MCRIP1: variants seen among roughly 807,000 people sequenced by gnomAD.
MCRIP1 encodes the protein MAPK regulated corepressor interacting protein 1.
A neutral mutation model predicts 14.4 loss-of-function variants in MCRIP1; 10 were observed. That is an observed-to-expected ratio of 0.70 (90% confidence interval 0.43 to 1.18). The LOEUF (loss-of-function observed/expected upper bound fraction) is 1.18, where lower values mean the gene tolerates loss of function less well. Among genes scored for constraint, MCRIP1 ranks in the 50% most tolerant of loss-of-function variants. The pLI is 0.00. For missense variants in MCRIP1, 119 were observed against 135.4 expected, an observed-to-expected ratio of 0.88 and a Z score of 0.60; for synonymous variants, 53 against 55.7, an observed-to-expected ratio of 0.95 and a Z score of 0.21.
At chr17:81,827,635 T>C (rs940144127) in intron 1 of MCRIP1, among the ~76,000 whole-genome samples, 3 of 151,564 alleles carry the variant, frequency 2.0e-5, no homozygotes, top group African/African-American at 7.3e-5. Flanking sequence ...GGTGGTAGGA[T>C]TGCTTGAGCT....
intron 1 of MCRIP1, chr17:81,825,691 G>A (rs1472034151): frequency 2.3e-6 from 3 of 1,289,388 alleles, no homozygotes; most frequent in Admixed American, 2.3e-5. Flanking sequence ...TCCCAGCCCT[G>A]GAACTCTGTG....
chr17:81,831,013 A>C (rs1054152098), intron 1 of MCRIP1, among the ~76,000 whole-genome samples: 1 of 151,910 alleles, frequency 6.6e-6, no homozygotes, highest in Admixed American at 6.6e-5. Flanking sequence ...ACTAAAAAAA[A>C]ATACAAAAAT....
Position 81,822,983 on chromosome 17 carries a change from C to A in MCRIP1, c.*264G>T, listed in dbSNP as rs960524807. On this transcript the variant is annotated 3_prime_UTR_variant, in exon 5 of 5. Transcript: ENST00000455127. Reference sequence around the variant, plus strand: ...AGGGCCCCTGGGGGCCAGGCAGCTTCAAAAATGCAGCCAGGTGGCTGGGGG... The same window carrying A: ...AGGGCCCCTGGGGGCCAGGCAGCTTAAAAAATGCAGCCAGGTGGCTGGGGG... 1.5e-5 allele frequency: 9 copies of A among 589,098 alleles called. No individual in the cohort carries two copies. In the East Asian group the frequency reaches 1.7e-4, roughly 11 times the overall value. The allele number at this position is 589,098 out of a possible 1,614,324, so 36.5% of individuals were successfully genotyped here.
intron 1 of MCRIP1, chr17:81,824,912 C>A: frequency 8.5e-7 from 1 of 1,173,924 alleles, no homozygotes. Context: ...GCTGGTGGGG[C>A]CGTCAGCATC....
In MCRIP1 at chr17:81,823,233, G is replaced by A. The variant is rs754223991; in HGVS notation, c.*14C>T. The A allele has an allele frequency of 3.3e-6, 5 of 1,535,940 alleles. No individual in the cohort carries two copies. Among genetic ancestry groups the A allele is most frequent in the Non-Finnish European group, 8.7e-7 (1 of 1,146,672 alleles). ...CCCTGATCTTCCGGAGGCCGGGGAG[G>A]GGCACCGGGCGCTCTAGGACTTCTT... is the stretch of plus-strand genomic sequence containing the variant. On this transcript the variant is annotated 3_prime_UTR_variant, in exon 5 of 5. Transcript: ENST00000455127. The surrounding 1 kb of genome is among the most constrained non-coding windows in gnomAD (Gnocchi z 6.0).
rs2038310940 is a variant in MCRIP1, at chr17:81,823,288, C to G, written c.253G>C (p.Asp85His). The change falls in exon 5 of 5, where the codon GAC becomes CAC. Residue 85 changes from aspartate (D) to histidine (H), a missense_variant. Physicochemically the swap from Asp to His is moderately conservative, Grantham distance 81. Transcript: ENST00000455127. The surrounding 1 kb of genome is among the most constrained non-coding windows in gnomAD (Gnocchi z 6.0). ...LKTFKPIDLS[D>H]LKRRSTQDAK... is the part of the protein sequence containing the mutation. ...TCCTGCGTGCTCCGGCGCTTCAGGT[C>G]ACTCAGGTCGATGGGCTTGAAGGCT... 6.5e-7 allele frequency: 1 copy of G among 1,536,852 alleles called. No individual in the cohort carries two copies. Among genetic ancestry groups the G allele is most frequent in the Non-Finnish European group, 8.7e-7 (1 of 1,146,810 alleles).
Position 81,823,878 on chromosome 17 carries a change from TC to T in MCRIP1, c.128-366del. On this transcript the variant is annotated intron_variant, in intron 3 of 4. Transcript: ENST00000455127. The surrounding 1 kb of genome is among the most constrained non-coding windows in gnomAD (Gnocchi z 6.0). ...CCCAGCACACGGCACACTCCCCTAA[TC>T]CCAGACAACCACCTCCCGGCCACTT... The T allele has an allele frequency of 1.9e-6, 1 of 524,414 alleles. No individual in the cohort carries two copies. Among genetic ancestry groups the T allele is most frequent in the Non-Finnish European group, 3.4e-6 (1 of 295,416 alleles). 32.5% of individuals were successfully genotyped at this position (524,414 alleles called of 1,614,324 possible). A position where few individuals can be genotyped will look rare whatever the true frequency, so the allele number is the denominator to read the frequency against.
At chr17:81,825,707 T>C in intron 1 of MCRIP1, 1 of 1,289,282 alleles carries the variant, frequency 7.8e-7, no homozygotes, top group Non-Finnish European at 1.0e-6. Flanking sequence ...CTGTGCCCCA[T>C]CCCAGGCCAG....
In MCRIP1 at chr17:81,823,281, T is replaced by C. The variant is rs1285639472; in HGVS notation, c.260A>G (p.Lys87Arg). ...CTTGGCATCCTGCGTGCTCCGGCGC[T>C]TCAGGTCACTCAGGTCGATGGGCTT... ...TFKPIDLSDL[K>R]RRSTQDAKKS The change falls in exon 5 of 5, where the codon AAG becomes AGG. Residue 87 changes from lysine to arginine, a missense_variant. By Grantham distance (26) the Lys-to-Arg change is conservative. Transcript: ENST00000455127. This position sits in a 1 kb window ranked among gnomAD's most constrained non-coding sequence, Gnocchi z 6.0. 5.2e-6 allele frequency: 8 copies of C among 1,536,912 alleles called. No individual in the cohort carries two copies. The highest frequency in any genetic ancestry group is 4.4e-6 in the Non-Finnish European group (5 of 1,146,806).
intron 1 of MCRIP1, among the ~76,000 whole-genome samples, chr17:81,831,162 ACT>A (rs1296249896): frequency 7.8e-6 from 1 of 127,396 alleles, no homozygotes; most frequent in Non-Finnish European, 1.6e-5. Context: ...ACAGAGCAAG[ACT>A]CTGTCTCTCA....
At chr17:81,824,474 A>G (rs536647188) in intron 2 of MCRIP1, 25 bp downstream of exon 2, 1 of 1,535,700 alleles carries the variant, frequency 6.5e-7, no homozygotes, top group East Asian at 2.4e-5. Context: ...CCCGGTGGAG[A>G]CCAGCCCACC....
chr17:81,828,640 C>T (rs988893762), intron 1 of MCRIP1, among the ~76,000 whole-genome samples: 4 of 152,096 alleles, frequency 2.6e-5, no homozygotes, highest in Non-Finnish European at 5.9e-5. Flanking sequence ...AGAGGGGGCA[C>T]CACAGCCCCC....
In MCRIP1 at chr17:81,823,690, T is replaced by G; in HGVS notation, c.128-177A>C. On this transcript the variant is annotated intron_variant, in intron 3 of 4. Transcript: ENST00000455127. This position sits in a 1 kb window ranked among gnomAD's most constrained non-coding sequence, Gnocchi z 6.0. ...CAGCCTCACTCACCTGCAGACCCCG[T>G]CCCCGCTCCTCTGGCAGGCCTGTCC... 1 of 618,404 alleles carries G rather than the reference T, an allele frequency of 1.6e-6. No individual in the cohort carries two copies. The highest frequency in any genetic ancestry group is 2.9e-6 in the Non-Finnish European group (1 of 348,442). 38.3% of individuals were successfully genotyped at this position (618,404 alleles called of 1,614,324 possible).
Position 81,830,860 on chromosome 17 carries a change from T to TA in MCRIP1, c.-49+2377dup, listed in dbSNP as rs34075802. Among the ~76,000 whole-genome samples, 417 of 135,620 alleles carry TA rather than the reference T, an allele frequency of 3.1e-3. 3 individuals are homozygous for TA. Among genetic ancestry groups the TA allele is most frequent in the African/African-American group, 8.7e-3 (323 of 37,020 alleles). The allele number at this position is 135,620 out of a possible 152,430, so 89.0% of individuals were successfully genotyped here. A position where few individuals can be genotyped will look rare whatever the true frequency, so the allele number is the denominator to read the frequency against. ...CAACATGGCAAAACCCCATTGCTAC[T>TA]AAAAAAAAAAAATACAAAAATTAGG... On this transcript the variant is annotated intron_variant, in intron 1 of 4. Transcript: ENST00000455127.
At chr17:81,830,966 G>C (rs144250492) in intron 1 of MCRIP1, among the ~76,000 whole-genome samples, 46 of 151,964 alleles carry the variant, frequency 3.0e-4, no homozygotes, top group African/African-American at 1.0e-3. Context: ...AGGAGTTCGA[G>C]ACCAGCCTGG....
At chr17:81,832,983 G>C (rs1201828546) in intron 1 of MCRIP1, among the ~76,000 whole-genome samples, 3 of 151,924 alleles carry the variant, frequency 2.0e-5, no homozygotes, top group African/African-American at 7.2e-5. Flanking sequence ...CTGCCTGGGC[G>C]GGAAAGGCGC....
At position 81,823,523 on chromosome 17, in the gene MCRIP1, CAG is replaced by C. The variant is rs944058655; in HGVS notation, c.128-12_128-11del. On this transcript the variant is annotated splice_polypyrimidine_tract_variant and intron_variant, in intron 3 of 4. Transcript: ENST00000455127. This position sits in a 1 kb window ranked among gnomAD's most constrained non-coding sequence, Gnocchi z 6.0. ...TCCACACCCTGCCAGGCTGCAGAGG[CAG>C]AGAGTGGTGTGCTCAGGGCCCCCTG... 11 of 1,535,488 alleles carry C rather than the reference CAG, an allele frequency of 7.2e-6. 1 individual carries two copies. The highest frequency in any genetic ancestry group is 4.1e-5 in the African/African-American group (3 of 73,020).
At chr17:81,829,025 A>G (rs2038466009) in intron 1 of MCRIP1, among the ~76,000 whole-genome samples, 1 of 152,152 alleles carries the variant, frequency 6.6e-6, no homozygotes, top group African/African-American at 2.4e-5. Flanking sequence ...GAGGCACAAC[A>G]TCCATGCATG....
chr17:81,831,800 A>T (rs2038526390), intron 1 of MCRIP1, among the ~76,000 whole-genome samples: 1 of 151,974 alleles, frequency 6.6e-6, no homozygotes, highest in African/African-American at 2.4e-5. Context: ...CTCTGCCTGC[A>T]CCCTACAGCA....
Sources: allele counts gnomAD v4.1 joint callset (sites outside exome capture counted in the v4.1 genomes callset), GRCh38; gene constraint gnomAD v4.1.1; non-coding constraint Gnocchi (gnomAD v3.1); transcripts MANE v1.5; gene names NCBI Gene and HGNC (gene_info 2026-07-23, HGNC 2026-07-21).